USH2A: variants seen among roughly 807,000 people sequenced by gnomAD.
USH2A encodes Usher syndrome 2A (autosomal recessive, mild).
USH2A carries 443 observed loss-of-function variants against 538.9 expected under a neutral mutation model. That is an observed-to-expected ratio of 0.82 (90% CI 0.76 to 0.89). The LOEUF (loss-of-function observed/expected upper bound fraction) is 0.89. Among genes scored for constraint, USH2A ranks in the 40% least tolerant of loss-of-function variants. The pLI is 0.00. For synonymous variants in USH2A, 2,413 were observed against 2,273.5 expected (o/e 1.06, Z -1.75); for missense variants, 6,633 against 6,324.8 (o/e 1.05, Z -1.65).
chr1:216,139,852 T>G (rs1015872093), intron 21 of USH2A, among the ~76,000 whole-genome samples: 1 of 152,188 alleles, frequency 6.6e-6, no homozygotes, highest in Admixed American at 6.5e-5. Flanking sequence ...TATATTTGTA[T>G]TGCCTCCATC....
intron 32 of USH2A, among the ~76,000 whole-genome samples, chr1:216,007,413 C>T (rs1191373320): frequency 6.6e-6 from 1 of 151,982 alleles, no homozygotes; most frequent in Non-Finnish European, 1.5e-5. Context: ...AGACTCTGTT[C>T]CCTCAGATAT....
chr1:215,845,653 C>G (rs1254553316), intron 45 of USH2A, among the ~76,000 whole-genome samples, 171 bp downstream of exon 45: 1 of 152,176 alleles, frequency 6.6e-6, no homozygotes, highest in Admixed American at 6.6e-5. Flanking sequence ...AATGGGACTG[C>G]TTATTGATCT....
At chr1:216,103,539 A>T (rs1260159653) in intron 21 of USH2A, among the ~76,000 whole-genome samples, 1 of 152,210 alleles carries the variant, frequency 6.6e-6, no homozygotes, top group Non-Finnish European at 1.5e-5. Context: ...CAGCTGATGA[A>T]AATTTTGCCT....
intron 35 of USH2A, among the ~76,000 whole-genome samples, chr1:215,992,726 T>C (rs1558199311): frequency 6.6e-6 from 1 of 152,156 alleles, no homozygotes; most frequent in East Asian, 1.9e-4. Context: ...TCACTCTCAC[T>C]ACGGCATTCT....
intron 35 of USH2A, among the ~76,000 whole-genome samples, chr1:215,991,429 A>C (rs1668002626): frequency 6.6e-6 from 1 of 152,146 alleles, no homozygotes; most frequent in African/African-American, 2.4e-5. Flanking sequence ...AGAGAAACAA[A>C]AAGCTAAAAA....
At chr1:216,220,127 T>C (rs1293666139) in intron 14 of USH2A, among the ~76,000 whole-genome samples, 1 of 152,054 alleles carries the variant, frequency 6.6e-6, no homozygotes, top group Non-Finnish European at 1.5e-5. Context: ...CACATCATTG[T>C]CAGAAAATTC....
intron 55 of USH2A, among the ~76,000 whole-genome samples, chr1:215,776,360 G>A (rs991589222): frequency 1.3e-5 from 2 of 152,156 alleles, no homozygotes. Flanking sequence ...AGGACTTCCT[G>A]TCTTCAATTA....
rs763463859 is a variant in USH2A at position 215,628,921 on chromosome 1, G to A, written c.15412C>T (p.Gln5138Ter). The A allele has an allele frequency of 1.2e-6, 2 of 1,614,164 alleles. No individual in the cohort carries two copies. Among genetic ancestry groups the A allele is most frequent in the South Asian group, 2.2e-5 (2 of 91,086 alleles). ...SQNQTSLTYSQGSLHRSVSQL... is the reference protein window; with the variant it reads ...SQNQTSLTYS Reference sequence around the variant, plus strand: ...CTGACGCTGCGGTGAAGAGAACCCTGGGAGTAGGTTAGGCTGGTTTGGTTT... The same window carrying A: ...CTGACGCTGCGGTGAAGAGAACCCTAGGAGTAGGTTAGGCTGGTTTGGTTT... The change falls in exon 71 of 72, where the codon CAG becomes TAG. Residue 5138 changes from glutamine (Q) to a stop codon, truncating the protein, a stop_gained. Transcript: ENST00000307340. LOFTEE classifies it high-confidence loss of function.
rs565239822 is a variant in USH2A at position 216,087,421 on chromosome 1, C to T, written c.4886-601G>A. On this transcript the variant is annotated intron_variant, in intron 23 of 71. Coordinates refer to ENST00000307340, the MANE Select transcript of USH2A (RefSeq NM_206933.4). ...CTCAACTGAACTTTGAATGTCTCTC[C>T]CCAAACCTGCTTCTCCCACAGTCAT... Among the ~76,000 whole-genome samples the T allele has an allele frequency of 5.9e-5, 9 of 152,100 alleles. No individual in the cohort carries two copies. The South Asian group carries it at 1.9e-3, about 32-fold the overall frequency.
intron 61 of USH2A, among the ~76,000 whole-genome samples, chr1:215,724,694 C>T (rs566886457): frequency 6.6e-6 from 1 of 152,228 alleles, no homozygotes; most frequent in South Asian, 2.1e-4. Context: ...CCCAAAATGC[C>T]CAACAGTAAT....
chr1:215,883,631 T>C lies in USH2A; in HGVS notation c.8224-4533A>G, dbSNP rs561536818. On this transcript the variant is annotated intron_variant, in intron 41 of 71. Transcript: ENST00000307340. ...ACATTGATAGTTGGTCGGGCTGGTA[T>C]CATTTTTTAAAGCAAACCATTCTTT... 7.3e-4 allele frequency among the ~76,000 whole-genome samples: 111 copies of C among 152,206 alleles called. 1 individual carries two copies. Among genetic ancestry groups the C allele is most frequent in the South Asian group, 2.1e-3 (10 of 4,824 alleles).
chr1:215,945,098 A>T (rs969252044), intron 37 of USH2A, among the ~76,000 whole-genome samples: 4 of 152,136 alleles, frequency 2.6e-5, no homozygotes, highest in African/African-American at 4.8e-5. Context: ...GAGGCAAGAG[A>T]ACAATAATAT....
chr1:216,394,070 C>G (rs892957946), intron 3 of USH2A, among the ~76,000 whole-genome samples: 1 of 152,098 alleles, frequency 6.6e-6, no homozygotes, highest in African/African-American at 2.4e-5. Context: ...TCATCAGTCA[C>G]CGGGGAAAAT....
chr1:216,395,600 G>A (rs777419280), intron 3 of USH2A, among the ~76,000 whole-genome samples: 57 of 152,254 alleles, frequency 3.7e-4, no homozygotes, highest in African/African-American at 1.2e-3. Context: ...GTTTAACTAC[G>A]CAAATTATAA....
At chr1:216,297,712 G>A (rs2037134342) in intron 9 of USH2A, among the ~76,000 whole-genome samples, 1 of 152,124 alleles carries the variant, frequency 6.6e-6, no homozygotes, top group African/African-American at 2.4e-5. Flanking sequence ...TTTGGAGGAG[G>A]TAGCCTACAG....
chr1:215,718,107 A>G (rs1659537823), intron 61 of USH2A, among the ~76,000 whole-genome samples: 1 of 152,210 alleles, frequency 6.6e-6, no homozygotes, highest in Non-Finnish European at 1.5e-5. Context: ...CAGCAGTTCT[A>G]GCTTACTATT....
intron 46 of USH2A, among the ~76,000 whole-genome samples, chr1:215,842,324 C>A (rs1313908274): frequency 2.0e-5 from 3 of 152,098 alleles, no homozygotes; most frequent in Non-Finnish European, 4.4e-5. Context: ...GCTGGTGAAG[C>A]TGTGGAGAAA....
chr1:216,272,805 G>A (rs970775774), intron 11 of USH2A, among the ~76,000 whole-genome samples: 3 of 152,098 alleles, frequency 2.0e-5, no homozygotes, highest in African/African-American at 7.2e-5. Flanking sequence ...GAAAGAGGGA[G>A]AAATGGAAAC....
chr1:216,282,230 T>C (rs2036796954), intron 11 of USH2A, among the ~76,000 whole-genome samples: 1 of 152,186 alleles, frequency 6.6e-6, no homozygotes, highest in South Asian at 2.1e-4. Context: ...TTAATTCTAA[T>C]GAAGTCCAAC....
Sources: gnomAD v4.1 joint callset for allele counts (sites outside exome capture counted in the v4.1 genomes callset) on GRCh38, gnomAD v4.1.1 for gene constraint, MANE v1.5 for transcripts, NCBI Gene and HGNC (gene_info 2026-07-23, HGNC 2026-07-21) for gene names.